Variants in CNTFR observed in about 807,000 individuals in gnomAD.
CNTFR encodes ciliary neurotrophic factor receptor subunit alpha.
Under a neutral mutation model 40.4 loss-of-function variants are expected in CNTFR, and 12 were observed. The observed-to-expected ratio is 0.30, with a 90% CI of 0.19 to 0.48. The LOEUF (loss-of-function observed/expected upper bound fraction) is 0.48, where lower values mean the gene tolerates loss of function less well. CNTFR is among the 20% of genes least tolerant of loss of function. The pLI is 0.99. For synonymous variants in CNTFR, 202 were observed against 209.6 expected (o/e 0.96, Z 0.31); for missense variants, 414 against 506.8 (o/e 0.82, Z 1.76).
intron 2 of CNTFR, among the ~76,000 whole-genome samples, chr9:34,572,647 G>C (rs887555922): frequency 6.6e-6 from 1 of 152,114 alleles, no homozygotes; most frequent in African/African-American, 2.4e-5. Context: ...GTCAAATTCT[G>C]GGGCCCCAAC....
chr9:34,557,660 T>A lies in CNTFR; in HGVS notation c.470A>T (p.Asp157Val). The change falls in exon 6 of 10, where the codon GAC (aspartate) becomes GTC (valine). Residue 157 changes from aspartate (D) to valine (V), a missense_variant. Physicochemically the swap from Asp to Val is radical, Grantham distance 152. This residue lies in a region of CNTFR where 250 missense variants were observed against 269.5 expected (regional missense o/e 0.93). Coordinates refer to ENST00000378980, the MANE Select transcript of CNTFR (RefSeq NM_147164.3). This position sits in a 1 kb window ranked among gnomAD's most constrained non-coding sequence, Gnocchi z 4.2. ...HGSKIMVCEK[D>V]PALKNRCHIR... ...GTGGCAGCGGTTCTTGAGGGCTGGG[T>A]CCTTCTCACAGACCATAATTTTGGA... is the stretch of plus-strand genomic sequence containing the variant. 6.2e-7 allele frequency: 1 copy of A among 1,614,124 alleles called. No homozygotes were observed. Among genetic ancestry groups the A allele is most frequent in the Non-Finnish European group, 8.5e-7 (1 of 1,180,008 alleles).
Position 34,552,310 on chromosome 9 carries a change from G to A in CNTFR, c.969C>T (p.Thr323=). The change falls in exon 9 of 10, where the codon ACC becomes ACT. Residue 323 remains threonine, a synonymous_variant. Coordinates refer to ENST00000378980, the MANE Select transcript of CNTFR (RefSeq NM_147164.3). This position sits in a 1 kb window ranked among gnomAD's most constrained non-coding sequence, Gnocchi z 5.1. The stretch of plus-strand genomic sequence containing the variant: ...TGGTAGGTGGGGGTGCCAGGGAGCT[G>A]GTGGTGCTGGTCGTGGTCTCTGGGG... ...AQAAETTTST[T]SSLAPPPTTK... is the part of the protein sequence containing the mutation. 1.3e-6 allele frequency: 2 copies of A among 1,540,300 alleles called. No homozygotes were observed. The highest frequency in any genetic ancestry group is 8.7e-7 in the Non-Finnish European group (1 of 1,147,260).
chr9:34,554,143 G>A (rs944521144), intron 7 of CNTFR, among the ~76,000 whole-genome samples: 2 of 152,184 alleles, frequency 1.3e-5, no homozygotes, highest in Non-Finnish European at 2.9e-5. Context: ...AGCCCTGGAA[G>A]ATCGGAGGGT....
intron 2 of CNTFR, among the ~76,000 whole-genome samples, chr9:34,570,836 G>C (rs12004101): frequency 0.023 from 3,462 of 152,256 alleles, 100 homozygotes; most frequent in African/African-American, 0.072. Flanking sequence ...AAGCAGCTGC[G>C]GAGAGGCTGG....
intron 2 of CNTFR, among the ~76,000 whole-genome samples, chr9:34,575,213 C>A (rs779123089): frequency 2.0e-5 from 3 of 152,174 alleles, no homozygotes; most frequent in Non-Finnish European, 2.9e-5. Context: ...AATCCCCCAG[C>A]CCCCAACCCC....
intron 2 of CNTFR, among the ~76,000 whole-genome samples, chr9:34,579,135 C>G (rs1174949232): frequency 6.6e-6 from 1 of 152,194 alleles, no homozygotes; most frequent in Non-Finnish European, 1.5e-5. Flanking sequence ...GATACTCACA[C>G]CAAGGGCCAT....
intron 2 of CNTFR, among the ~76,000 whole-genome samples, chr9:34,577,313 G>T (rs1018542533): frequency 2.0e-5 from 3 of 152,206 alleles, no homozygotes; most frequent in Non-Finnish European, 4.4e-5. Flanking sequence ...GTGACTCCAC[G>T]GAAGACAGGC....
chr9:34,564,901 T>C (rs1462428714), intron 3 of CNTFR, 69 bp from the exon 4 acceptor site: 1 of 1,385,826 alleles, frequency 7.2e-7, no homozygotes, highest in Admixed American at 1.8e-5. Context: ...CAGGCGAGCG[T>C]GCTCAGACAA....
chr9:34,580,590 C>T (rs865992046), intron 2 of CNTFR, among the ~76,000 whole-genome samples: 5 of 152,200 alleles, frequency 3.3e-5, no homozygotes, highest in African/African-American at 4.8e-5. Flanking sequence ...TCCAGTGCCT[C>T]GATGCCTTGG....
intron 2 of CNTFR, among the ~76,000 whole-genome samples, chr9:34,575,685 ACC>A (rs1826919790): frequency 2.3e-5 from 1 of 44,442 alleles, no homozygotes. Flanking sequence ...CCACCCACCC[ACC>A]CACACACACA....
At chr9:34,573,819 G>T (rs1226943559) in intron 2 of CNTFR, among the ~76,000 whole-genome samples, 1 of 152,244 alleles carries the variant, frequency 6.6e-6, no homozygotes, top group East Asian at 1.9e-4. Flanking sequence ...TGATTCAAAC[G>T]CCTGGGGACT....
At chr9:34,565,089 C>CTG (rs1289444103) in intron 3 of CNTFR, among the ~76,000 whole-genome samples, 4 of 151,996 alleles carry the variant, frequency 2.6e-5, no homozygotes, top group Admixed American at 2.0e-4. Flanking sequence ...GGGCGATCTT[C>CTG]TGTGTGTGTG....
chr9:34,561,078 C>T (rs1212664657), intron 4 of CNTFR, among the ~76,000 whole-genome samples: 1 of 152,128 alleles, frequency 6.6e-6, no homozygotes, highest in African/African-American at 2.4e-5. Flanking sequence ...ACGCCCCACC[C>T]ACACGCCGCC....
intron 1 of CNTFR, among the ~76,000 whole-genome samples, chr9:34,586,014 A>T (rs554330231): frequency 6.6e-6 from 1 of 152,078 alleles, no homozygotes; most frequent in Non-Finnish European, 1.5e-5. Context: ...CAGGACGGGG[A>T]GCAGTTACAG....
At position 34,564,132 on chromosome 9, in the gene CNTFR, A is replaced by G; in HGVS notation, c.319+467T>C. On this transcript the variant is annotated intron_variant, in intron 4 of 9. Transcript: ENST00000378980. ...GTCTCCATTCGCTTCCCACTCCAGGATGCCTTCCTCCTTCCCTGGGGCCTC... is the reference window on the plus strand; with the variant it reads ...GTCTCCATTCGCTTCCCACTCCAGGGTGCCTTCCTCCTTCCCTGGGGCCTC... Among the ~76,000 whole-genome samples, 2 of 152,074 alleles carry G rather than the reference A, an allele frequency of 1.3e-5. 1 individual carries two copies. Among genetic ancestry groups the G allele is most frequent in the Admixed American group, 1.3e-4 (2 of 15,260 alleles).
chr9:34,559,460 C>T (rs1192104328), intron 4 of CNTFR, among the ~76,000 whole-genome samples: 1 of 152,192 alleles, frequency 6.6e-6, no homozygotes, highest in Admixed American at 6.5e-5. Context: ...CGGGGTCCAG[C>T]TGAGACCCCA....
intron 3 of CNTFR, among the ~76,000 whole-genome samples, chr9:34,568,345 C>T (rs1443996253): frequency 3.3e-5 from 5 of 152,252 alleles, no homozygotes; most frequent in African/African-American, 9.6e-5. Flanking sequence ...TGCCAATGGC[C>T]GAGCCCTGAG....
intron 2 of CNTFR, among the ~76,000 whole-genome samples, chr9:34,580,798 C>T (rs1363593988): frequency 6.6e-6 from 1 of 152,214 alleles, no homozygotes; most frequent in Non-Finnish European, 1.5e-5. Flanking sequence ...TCTGAGGATA[C>T]TGAAACAGAA....
Position 34,558,003 on chromosome 9 carries a change from T to C in CNTFR, c.320-19A>G. 2 of 1,503,154 alleles carry C rather than the reference T, an allele frequency of 1.3e-6. No individual in the cohort carries two copies. The highest frequency in any genetic ancestry group is 1.8e-6 in the Non-Finnish European group (2 of 1,119,502). 93.1% of individuals were successfully genotyped at this position (1,503,154 alleles called of 1,614,324 possible). On this transcript the variant is annotated intron_variant, in intron 4 of 9. Coordinates refer to ENST00000378980, the MANE Select transcript of CNTFR (RefSeq NM_147164.3). ...GGCGGCACTGGGGGTGAGGACAGTA[T>C]GGTCAGGGCATTCTTGGAGCTCCCA...
Sources: gnomAD v4.1 joint callset for allele counts (sites outside exome capture counted in the v4.1 genomes callset) on GRCh38, gnomAD v4.1.1 for gene constraint, gnomAD v4.1.1 regional missense constraint, Gnocchi (gnomAD v3.1) non-coding constraint, MANE v1.5 for transcripts, NCBI Gene and HGNC (gene_info 2026-07-23, HGNC 2026-07-21) for gene names.